The following MEGF11 variants were observed in gnomAD, a reference collection of about 807,000 sequenced individuals.
MEGF11 encodes multiple EGF like domains 11.
Under a neutral mutation model 146.6 loss-of-function variants are expected in MEGF11, and 126 were observed. The ratio of observed to expected loss-of-function variants is 0.86; its 90% confidence interval spans 0.74 to 1.00. MEGF11 has a LOEUF of 1.00. Among genes scored for constraint, MEGF11 ranks in the 50% least tolerant of loss-of-function variants. The pLI, the probability that MEGF11 is intolerant of heterozygous loss-of-function variation, is 0.00. For synonymous variants in MEGF11, 532 were observed against 583.4 expected (o/e 0.91, Z 1.27); for missense variants, 1,509 against 1,521.2 (o/e 0.99, Z 0.13).
intron 5 of MEGF11, among the ~76,000 whole-genome samples, chr15:66,072,811 G>A (rs569344143): frequency 6.6e-6 from 1 of 152,284 alleles, no homozygotes; most frequent in South Asian, 2.1e-4. Context: ...AAGGTTGCCT[G>A]GCTCGCTCCA....
intron 5 of MEGF11, among the ~76,000 whole-genome samples, chr15:66,075,960 G>A (rs1262227865): frequency 1.3e-5 from 2 of 152,120 alleles, no homozygotes; most frequent in East Asian, 1.9e-4. Context: ...CTTAGGGCAG[G>A]GACAAGGGAA....
chr15:66,207,971 GCT>G (rs748826902), intron 1 of MEGF11, among the ~76,000 whole-genome samples: 48 of 152,154 alleles, frequency 3.2e-4, no homozygotes, highest in Middle Eastern at 3.4e-3. Flanking sequence ...TGTAGTCCCA[GCT>G]ACTGGGGAGG....
intron 5 of MEGF11, among the ~76,000 whole-genome samples, chr15:66,065,374 T>C (rs2085080259): frequency 1.3e-5 from 2 of 151,824 alleles, no homozygotes; most frequent in South Asian, 4.2e-4. Context: ...AAGTGTCAAC[T>C]CCTGGTAAAC....
intron 5 of MEGF11, among the ~76,000 whole-genome samples, chr15:65,985,461 G>C (rs923934896): frequency 6.6e-5 from 10 of 151,922 alleles, no homozygotes; most frequent in Non-Finnish European, 1.5e-5. Flanking sequence ...TCGTTTGTTG[G>C]GGCTGCAGTT....
chr15:65,971,285 G>C (rs1189900761), intron 7 of MEGF11: 1 of 153,164 alleles, frequency 6.5e-6, no homozygotes, highest in Admixed American at 6.5e-5. Flanking sequence ...TGCAAAGGGA[G>C]CGTCACAATG....
chr15:65,970,639 G>A lies in MEGF11; in HGVS notation c.813C>T (p.Cys271=), dbSNP rs2081272231. ...CATGGTGGCAAGGACAATCCTGGCT[G>A]CAGTTCTGGCCAAATGTCCCTGGTG... is the stretch of plus-strand genomic sequence containing the variant. ...PCPPGTFGQN[C]SQDCPCHHGG... is the part of the protein sequence containing the mutation. The change falls in exon 8 of 26, where the codon TGC becomes TGT. Residue 271 remains cysteine, a synonymous_variant. Transcript: ENST00000395614. The A allele has an allele frequency of 6.2e-7, 1 of 1,613,318 alleles. No individual in the cohort carries two copies. The highest frequency in any genetic ancestry group is 1.3e-5 in the African/African-American group (1 of 74,950).
At chr15:65,958,194 T>C (rs1263991725) in intron 9 of MEGF11, among the ~76,000 whole-genome samples, 3 of 152,232 alleles carry the variant, frequency 2.0e-5, no homozygotes, top group Non-Finnish European at 4.4e-5. Context: ...TCAATGAATG[T>C]TGGGCTGAGT....
At chr15:66,201,304 G>A (rs1408386765) in intron 1 of MEGF11, among the ~76,000 whole-genome samples, 3 of 152,000 alleles carry the variant, frequency 2.0e-5, no homozygotes, top group Non-Finnish European at 4.4e-5. Context: ...TCTTTCCCTG[G>A]TCCTTCCTCC....
intron 1 of MEGF11, among the ~76,000 whole-genome samples, chr15:66,206,489 T>C (rs1446635165): frequency 6.6e-6 from 1 of 152,168 alleles, no homozygotes; most frequent in Non-Finnish European, 1.5e-5. Flanking sequence ...AGATGCATGA[T>C]TATTACACTT....
chr15:65,907,153 A>G (rs1028437856), intron 23 of MEGF11, among the ~76,000 whole-genome samples: 6 of 152,092 alleles, frequency 3.9e-5, no homozygotes, highest in Admixed American at 6.6e-5. Flanking sequence ...GACACTGAAG[A>G]CCACCCTGTT....
intron 5 of MEGF11, among the ~76,000 whole-genome samples, chr15:66,082,716 T>C (rs540962655): frequency 1.5e-5 from 2 of 135,234 alleles, no homozygotes; most frequent in South Asian, 2.5e-4. Context: ...ACTGTTTACG[T>C]GAAGCATTTG....
chr15:65,950,827 G>A (rs1447741658), intron 10 of MEGF11, among the ~76,000 whole-genome samples: 1 of 152,222 alleles, frequency 6.6e-6, no homozygotes, highest in Non-Finnish European at 1.5e-5. Context: ...GGGGTCAGCT[G>A]CTCCAGTCCC....
chr15:66,071,439 G>A (rs2085361426), intron 5 of MEGF11, among the ~76,000 whole-genome samples: 1 of 152,246 alleles, frequency 6.6e-6, no homozygotes, highest in Non-Finnish European at 1.5e-5. Context: ...CATGTCAAGA[G>A]AAGTTTAGAG....
At chr15:65,922,797 C>A (rs781539679) in intron 14 of MEGF11, 26 bp downstream of exon 14, 27 of 1,612,536 alleles carry the variant, frequency 1.7e-5, no homozygotes, top group Non-Finnish European at 2.2e-5. Context: ...CCTCTGAGCT[C>A]TTCGGGGTCA....
At chr15:66,171,610 T>G (rs2090258530) in intron 1 of MEGF11, among the ~76,000 whole-genome samples, 1 of 152,040 alleles carries the variant, frequency 6.6e-6, no homozygotes, top group Non-Finnish European at 1.5e-5. Context: ...TTGTCTCTTT[T>G]TCTGACCTTG....
At chr15:66,100,121 C>T (rs1336643319) in intron 4 of MEGF11, among the ~76,000 whole-genome samples, 1 of 152,218 alleles carries the variant, frequency 6.6e-6, no homozygotes, top group Non-Finnish European at 1.5e-5. Context: ...CCCCTGCCCC[C>T]GTGCACGCTC....
At position 65,920,332 on chromosome 15, in the gene MEGF11, T is replaced by G. The variant is rs1596840420; in HGVS notation, c.1957+2006A>C. Among the ~76,000 whole-genome samples the G allele has an allele frequency of 2.0e-5, 3 of 152,222 alleles. No homozygotes were observed. The East Asian group carries it at 5.8e-4, about 29-fold the overall frequency. ...GAGGGTGACATGCATCTCACCTGTTTGCAGCTCAGGCTCCAGCTTTTTGAA... is the reference window on the plus strand; with the variant it reads ...GAGGGTGACATGCATCTCACCTGTTGGCAGCTCAGGCTCCAGCTTTTTGAA... On this transcript the variant is annotated intron_variant, in intron 15 of 25. Coordinates refer to ENST00000395614, the MANE Select transcript of MEGF11 (RefSeq NM_001385028.1).
At chr15:66,088,104 C>T (rs1239302722) in intron 5 of MEGF11, among the ~76,000 whole-genome samples, 2 of 152,192 alleles carry the variant, frequency 1.3e-5, no homozygotes, top group African/African-American at 4.8e-5. Flanking sequence ...TGGAAAATTA[C>T]AACCCTTCCA....
chr15:65,987,486 T>C (rs1332741980), intron 5 of MEGF11, among the ~76,000 whole-genome samples: 7 of 152,226 alleles, frequency 4.6e-5, no homozygotes, highest in Non-Finnish European at 1.0e-4. Flanking sequence ...ACTCAGATTT[T>C]TTTTCTATTG....
Sources: gnomAD v4.1 joint callset for allele counts (sites outside exome capture counted in the v4.1 genomes callset) on GRCh38, gnomAD v4.1.1 for gene constraint, MANE v1.5 for transcripts, NCBI Gene and HGNC (gene_info 2026-07-23, HGNC 2026-07-21) for gene names.